Variants in EZH1 observed in about 807,000 individuals in gnomAD.
The protein encoded by EZH1 is enhancer of zeste 1 polycomb repressive complex 2 subunit.
A neutral mutation model predicts 100.5 loss-of-function variants in EZH1; 33 were observed. That is an observed-to-expected ratio of 0.33 (90% confidence interval 0.25 to 0.44). EZH1 has a LOEUF of 0.44. Ranked by LOEUF, EZH1 falls within the 20% of genes least tolerant of loss-of-function variation. The pLI is 1.00. For synonymous variants in EZH1, 272 were observed against 313.8 expected, an observed-to-expected ratio of 0.87 and a Z score of 1.41; for missense variants, 475 against 928.4, an observed-to-expected ratio of 0.51 and a Z score of 6.35.
intron 7 of EZH1, 100 bp downstream of exon 7, chr17:42,720,173 A>C: frequency 7.9e-7 from 1 of 1,258,552 alleles, no homozygotes; most frequent in Non-Finnish European, 1.1e-6. Context: ...ACCAACAAGA[A>C]GCACCAACAG....
chr17:42,735,324 T>C (rs901628626), intron 1 of EZH1, among the ~76,000 whole-genome samples: 12 of 151,828 alleles, frequency 7.9e-5, no homozygotes, highest in Middle Eastern at 6.9e-3. Context: ...TAAGATGAGT[T>C]TTCACCACAG....
rs141454557 is a variant in EZH1 at position 42,709,875 on chromosome 17, G to A, written c.1464C>T (p.Asn488=). The part of the protein sequence containing the change: ...ILKLPTDELM[N]PSQKKKRKHR... ...GCTTTCTTTTCTTCTTCTGTGAGGG[G>A]TTCATGAGCTCATCTGTTGGCAGCT... The change falls in exon 13 of 21, where the codon AAC becomes AAT. Residue 488 remains asparagine (N), a synonymous_variant. Transcript: ENST00000428826. 2 of 1,614,036 alleles carry A rather than the reference G, an allele frequency of 1.2e-6. No homozygotes were observed. Among genetic ancestry groups the A allele is most frequent in the Non-Finnish European group, 1.7e-6 (2 of 1,180,008 alleles).
At position 42,706,972 on chromosome 17, in the gene EZH1, C is replaced by A. The variant is rs539068501; in HGVS notation, c.1661-787G>T. Among the ~76,000 whole-genome samples, 2 of 152,250 alleles carry A rather than the reference C, an allele frequency of 1.3e-5. No homozygotes were observed. Among genetic ancestry groups the A allele is most frequent in the Admixed American group, 1.3e-4 (2 of 15,286 alleles). ...GCTATGGGTTAGGAGGTATTTCCTCCAGCAAAACCGCCTGGGCACCAAGTT... is the reference window on the plus strand; with the variant it reads ...GCTATGGGTTAGGAGGTATTTCCTCAAGCAAAACCGCCTGGGCACCAAGTT... On this transcript the variant is annotated intron_variant, in intron 15 of 20. Transcript: ENST00000428826. This position sits in a 1 kb window ranked among gnomAD's most constrained non-coding sequence, Gnocchi z 4.4.
At chr17:42,742,662 A>G (rs2054198106) in intron 1 of EZH1, among the ~76,000 whole-genome samples, 1 of 152,144 alleles carries the variant, frequency 6.6e-6, no homozygotes, top group Admixed American at 6.6e-5. Flanking sequence ...CTACTATTAT[A>G]CTTAATAGTA....
At chr17:42,731,012 G>A (rs2053937216) in intron 1 of EZH1, 94 bp from the exon 2 acceptor site, 1 of 420,496 alleles carries the variant, frequency 2.4e-6, no homozygotes, top group Admixed American at 6.4e-5. Flanking sequence ...GAATCAGAAA[G>A]ACTTCAAGGT....
intron 12 of EZH1, among the ~76,000 whole-genome samples, chr17:42,712,054 T>G (rs2053494226): frequency 6.6e-6 from 1 of 150,670 alleles, no homozygotes; most frequent in Non-Finnish European, 1.5e-5. Flanking sequence ...TTAAATAGAG[T>G]CCAGACAGAA....
rs2054252032 is a variant in EZH1 at position 42,744,905 on chromosome 17, T to G, written c.-103+106A>C. The G allele has an allele frequency of 4.3e-6, 5 of 1,170,310 alleles. No individual in the cohort carries two copies. In the South Asian group the frequency reaches 5.5e-5, roughly 13 times the overall value. The allele number at this position is 1,170,310 out of a possible 1,614,324, so 72.5% of individuals were successfully genotyped here. A position where few individuals can be genotyped will look rare whatever the true frequency, so the allele number is the denominator to read the frequency against. Reference sequence around the variant, plus strand: ...CAGGCAGGCAGTGTGTCCCTCGGATTCCTTCCAATTTCCTGATCCCTCCGC... The same window carrying G: ...CAGGCAGGCAGTGTGTCCCTCGGATGCCTTCCAATTTCCTGATCCCTCCGC... On this transcript the variant is annotated intron_variant, in intron 1 of 20. Coordinates refer to ENST00000428826, the MANE Select transcript of EZH1 (RefSeq NM_001991.5).
chr17:42,707,909 C>A lies in EZH1; in HGVS notation c.1660+49G>T, dbSNP rs773736555. 3.1e-6 allele frequency: 5 copies of A among 1,611,396 alleles called. No homozygotes were observed. The East Asian group carries it at 8.9e-5, about 29-fold the overall frequency. The stretch of plus-strand genomic sequence containing the variant: ...AGGAATGGGGCAAGCCTAGGGCACA[C>A]TGGAGCCAACTGTTTTGGTAGACTA... On this transcript the variant is annotated intron_variant, in intron 15 of 20. Coordinates refer to ENST00000428826, the MANE Select transcript of EZH1 (RefSeq NM_001991.5).
chr17:42,710,383 C>T (rs1426997962), intron 12 of EZH1, among the ~76,000 whole-genome samples: 4 of 152,170 alleles, frequency 2.6e-5, no homozygotes, highest in Non-Finnish European at 5.9e-5. Context: ...GAGCCTCAGC[C>T]ATTTCAATAG....
At chr17:42,744,131 C>T (rs1362855960) in intron 1 of EZH1, among the ~76,000 whole-genome samples, 1 of 152,138 alleles carries the variant, frequency 6.6e-6, no homozygotes. Context: ...GTATTTCACC[C>T]TCCATATTCC....
At chr17:42,705,809 C>T (rs987340625) in intron 16 of EZH1, 198 bp downstream of exon 16, 18 of 526,856 alleles carry the variant, frequency 3.4e-5, no homozygotes, top group Non-Finnish European at 5.2e-5. Context: ...TGAGCCACCA[C>T]ACCTGGCCAG....
Position 42,732,777 on chromosome 17 carries a change from A to C in EZH1, c.-102-1859T>G, listed in dbSNP as rs142204353. Among the ~76,000 whole-genome samples the C allele has an allele frequency of 1.1e-3, 164 of 152,174 alleles. 3 individuals carry two copies. In the South Asian group the frequency reaches 0.022, roughly 20 times the overall value. ...GCGAGACTCTGTCTCAAAACCAAAC[A>C]AAACAAAACAAAATCAAAAACATCA... On this transcript the variant is annotated intron_variant, in intron 1 of 20. Transcript: ENST00000428826.
intron 1 of EZH1, among the ~76,000 whole-genome samples, chr17:42,734,700 G>C (rs1296571271): frequency 2.7e-5 from 4 of 150,236 alleles, no homozygotes; most frequent in Non-Finnish European, 5.9e-5. Flanking sequence ...AAGAAAGAAA[G>C]AAGGAAGGAA....
At chr17:42,717,283 A>G (rs1232610308) in intron 10 of EZH1, among the ~76,000 whole-genome samples, 1 of 152,128 alleles carries the variant, frequency 6.6e-6, no homozygotes, top group Non-Finnish European at 1.5e-5. Context: ...CATTTTCCAC[A>G]TGTGTGCCCA....
intron 12 of EZH1, among the ~76,000 whole-genome samples, chr17:42,710,504 C>T (rs1407294524): frequency 6.6e-6 from 1 of 152,040 alleles, no homozygotes; most frequent in Non-Finnish European, 1.5e-5. Flanking sequence ...CAGGAAAATA[C>T]AGACAAGAAC....
Position 42,718,545 on chromosome 17 carries a change from G to A in EZH1, c.840C>T (p.Pro280=), listed in dbSNP as rs773680904. ...PPQCTPNIDG[P]NAKSVQREQS... ...GCTCCCGCTGCACAGACTTGGCATT[G>A]GGGCCATCGATGTTGGGTGTGCACT... Residue 280 remains proline (P), a synonymous_variant, in exon 9 of 21, where the codon CCC becomes CCT. Coordinates refer to ENST00000428826, the MANE Select transcript of EZH1 (RefSeq NM_001991.5). The surrounding 1 kb of genome is among the most constrained non-coding windows in gnomAD (Gnocchi z 4.2). 2.7e-5 allele frequency: 43 copies of A among 1,614,218 alleles called. No individual in the cohort carries two copies. Among genetic ancestry groups the A allele is most frequent in the South Asian group, 2.0e-4 (18 of 91,080 alleles).
rs1159421984 is a variant in EZH1 at position 42,705,201 on chromosome 17, A to C, written c.1840-18T>G. The C allele has an allele frequency of 6.3e-7, 1 of 1,582,478 alleles. No individual in the cohort carries two copies. Among genetic ancestry groups the C allele is most frequent in the South Asian group, 1.1e-5 (1 of 90,240 alleles). On this transcript the variant is annotated intron_variant, in intron 16 of 20. Transcript: ENST00000428826. ...AGCAGGTGCTGGGGAAGAGGGGGCC[A>C]AGTCTCAGACTACAGGGTGTGCATG...
chr17:42,726,168 T>G (rs2053815571), intron 4 of EZH1, among the ~76,000 whole-genome samples: 1 of 145,980 alleles, frequency 6.9e-6, no homozygotes, highest in Non-Finnish European at 1.5e-5. Flanking sequence ...CATGAGCCAC[T>G]GCACCCAGCT....
At chr17:42,714,905 TATTATATA>T (rs1006869062) in intron 10 of EZH1, among the ~76,000 whole-genome samples, 14 of 138,110 alleles carry the variant, frequency 1.0e-4, no homozygotes, top group African/African-American at 2.4e-4. Context: ...TATGGAAATA[TATTATATA>T]ATTATATAAT....
Sources: gnomAD v4.1 joint callset for allele counts (sites outside exome capture counted in the v4.1 genomes callset) on GRCh38, gnomAD v4.1.1 for gene constraint, Gnocchi (gnomAD v3.1) non-coding constraint, MANE v1.5 for transcripts, NCBI Gene and HGNC (gene_info 2026-07-23, HGNC 2026-07-21) for gene names.